The following CAPN5 variants were observed in gnomAD, a reference collection of about 807,000 sequenced individuals.
The protein encoded by CAPN5 is calpain-5.
In CAPN5, 54 loss-of-function variants were observed where a neutral mutation model predicts 73.0. That is an observed-to-expected ratio of 0.74 (90% CI 0.59 to 0.93). CAPN5 has a LOEUF of 0.93. Ranked by LOEUF, CAPN5 falls within the 40% of genes least tolerant of loss-of-function variation. The pLI is 0.00. For synonymous variants in CAPN5, 335 were observed against 356.9 expected, an observed-to-expected ratio of 0.94 and a Z score of 0.69; for missense variants, 785 against 882.9, an observed-to-expected ratio of 0.89 and a Z score of 1.41.
intron 1 of CAPN5, among the ~76,000 whole-genome samples, chr11:77,068,755 C>T (rs1436174360): frequency 6.6e-6 from 1 of 152,060 alleles, no homozygotes; most frequent in African/African-American, 2.4e-5. Flanking sequence ...GATAAAGTTT[C>T]CCAGAGCAGG....
intron 3 of CAPN5, among the ~76,000 whole-genome samples, chr11:77,096,482 GCCCAC>G (rs1565265939): frequency 6.6e-6 from 1 of 152,142 alleles, no homozygotes; most frequent in Non-Finnish European, 1.5e-5. Flanking sequence ...CTCTTAGATG[GCCCAC>G]CTGTTTCTCT....
intron 11 of CAPN5, 32 bp from the exon 12 acceptor site, chr11:77,122,544 C>A (rs1555043036): frequency 1.5e-6 from 2 of 1,313,048 alleles, no homozygotes; most frequent in South Asian, 1.2e-5. Flanking sequence ...CCCACCCCCA[C>A]CCTCACCCCA....
rs1347841841 is a variant in CAPN5 at position 77,121,976 on chromosome 11, C to G, written c.1530C>G (p.Ser510=). Residue 510 remains serine (S), a synonymous_variant, in exon 11 of 13, where the codon TCC becomes TCG. Coordinates refer to ENST00000648180, the MANE Select transcript of CAPN5 (RefSeq NM_004055.5). ...LDEPPHTCWS[S]LCGYPQLVTQ... is the part of the protein sequence containing the mutation. Reference sequence around the variant, plus strand: ...AGCCCCCACACACCTGCTGGAGCTCCCTCTGTGGCTACCCCCAGCTGGTGA... The same window carrying G: ...AGCCCCCACACACCTGCTGGAGCTCGCTCTGTGGCTACCCCCAGCTGGTGA... 3 of 1,561,980 alleles carry G rather than the reference C, an allele frequency of 1.9e-6. No homozygotes were observed. The African/African-American group carries it at 4.1e-5, about 21-fold the overall frequency.
chr11:77,084,952 C>G lies in CAPN5; in HGVS notation c.66C>G (p.Arg22=). ...CAGCCCTGAGGCGGGACTGCCGGCG[C>G]AGGAAGGTGCTCTTCGAGGACCCCC... is the stretch of plus-strand genomic sequence containing the variant. The part of the protein sequence containing the change: ...NYSALRRDCR[R]RKVLFEDPLF... The change falls in exon 2 of 13, where the codon CGC becomes CGG. Residue 22 remains arginine (R), a synonymous_variant. Transcript: ENST00000648180. The G allele has an allele frequency of 6.2e-7, 1 of 1,613,826 alleles. No individual in the cohort carries two copies. The highest frequency in any genetic ancestry group is 8.5e-7 in the Non-Finnish European group (1 of 1,180,022).
At chr11:77,098,896 G>A (rs1950249266) in intron 3 of CAPN5, among the ~76,000 whole-genome samples, 1 of 130,528 alleles carries the variant, frequency 7.7e-6, no homozygotes, top group Non-Finnish European at 1.6e-5. Flanking sequence ...TCCCAGATGG[G>A]GTGGCTGCCG....
chr11:77,102,891 G>T, intron 3 of CAPN5: 1 of 1,612,120 alleles, frequency 6.2e-7, no homozygotes, highest in South Asian at 1.1e-5. Flanking sequence ...GCTGGTCCTG[G>T]ACCAGGGCCT....
At chr11:77,083,339 C>T (rs546612042) in intron 1 of CAPN5, among the ~76,000 whole-genome samples, 13 of 152,238 alleles carry the variant, frequency 8.5e-5, no homozygotes, top group Middle Eastern at 3.4e-3. Context: ...TTTCCTGTCT[C>T]TCCCTTCCCT....
intron 1 of CAPN5, among the ~76,000 whole-genome samples, chr11:77,074,923 C>T (rs1949952513): frequency 1.3e-5 from 2 of 152,178 alleles, no homozygotes; most frequent in Non-Finnish European, 2.9e-5. Context: ...CCCACTCGGC[C>T]CTGGAACCCA....
chr11:77,123,063 G>A (rs1170177953), intron 12 of CAPN5, among the ~76,000 whole-genome samples: 1 of 152,232 alleles, frequency 6.6e-6, no homozygotes, highest in Non-Finnish European at 1.5e-5. Flanking sequence ...CCACTGTGTG[G>A]TGCGTGTGGC....
At position 77,120,847 on chromosome 11, in the gene CAPN5, C is replaced by A; in HGVS notation, c.1425C>A (p.Phe475Leu). ...GCTATGTCATCATCCCCACAACCTT[C>A]GAGCCAGGCCACACTGGCGAGTTCC... ...EGRYVIIPTT[F>L]EPGHTGEFLL... is the part of the protein sequence containing the mutation. Residue 475 changes from phenylalanine to leucine, a missense_variant, in exon 10 of 13, where the codon TTC (phenylalanine) becomes TTA (leucine). Physicochemically the swap from Phe to Leu is conservative, Grantham distance 22. Coordinates refer to ENST00000648180, the MANE Select transcript of CAPN5 (RefSeq NM_004055.5). 1 of 1,614,158 alleles carries A rather than the reference C, an allele frequency of 6.2e-7. No homozygotes were observed.
intron 2 of CAPN5, among the ~76,000 whole-genome samples, chr11:77,085,834 G>A (rs12363910): frequency 6.6e-6 from 1 of 152,162 alleles, no homozygotes; most frequent in African/African-American, 2.4e-5. Flanking sequence ...AGGGGAGGCT[G>A]CAGGAGGTTA....
intron 2 of CAPN5, among the ~76,000 whole-genome samples, chr11:77,088,247 G>A (rs138115360): frequency 8.6e-5 from 13 of 151,680 alleles, no homozygotes; most frequent in African/African-American, 2.9e-4. Context: ...GTGCAGTCTC[G>A]GGGGCCCCAG....
At chr11:77,113,856 A>T (rs1555041156) in intron 4 of CAPN5, among the ~76,000 whole-genome samples, 1 of 152,214 alleles carries the variant, frequency 6.6e-6, no homozygotes, top group African/African-American at 2.4e-5. Context: ...ATTCAGTGGC[A>T]TTCATTATGA....
At position 77,112,769 on chromosome 11, in the gene CAPN5, T is replaced by C. The variant is rs1242798296; in HGVS notation, c.478T>C (p.Cys160Arg). 2 of 1,614,124 alleles carry C rather than the reference T, an allele frequency of 1.2e-6. No homozygotes were observed. Among genetic ancestry groups the C allele is most frequent in the African/African-American group, 1.3e-5 (1 of 74,944 alleles). The change falls in exon 4 of 13, where the codon TGC (cysteine) becomes CGC (arginine). Residue 160 changes from cysteine (C) to arginine (R), a missense_variant. Cys to Arg is a radical substitution (Grantham distance 180). Coordinates refer to ENST00000648180, the MANE Select transcript of CAPN5 (RefSeq NM_004055.5). ...CTCCAACTCCCGCAATGAGTTTTGG[T>C]GCGCCCTAGTGGAGAAGGCCTATGC... is the stretch of plus-strand genomic sequence containing the variant. The part of the protein sequence containing the change: ...CHSNSRNEFW[C>R]ALVEKAYAKL...
intron 3 of CAPN5, among the ~76,000 whole-genome samples, chr11:77,109,029 C>G (rs1210794190): frequency 2.0e-5 from 3 of 152,046 alleles, no homozygotes; most frequent in South Asian, 2.1e-4. Flanking sequence ...GTTCTCTGTC[C>G]CCTGCGTTTC....
At chr11:77,096,246 G>A (rs1302596582) in intron 3 of CAPN5, among the ~76,000 whole-genome samples, 2 of 151,848 alleles carry the variant, frequency 1.3e-5, no homozygotes, top group African/African-American at 2.4e-5. Context: ...CGACACACAC[G>A]CCCCCAACAC....
In CAPN5 at chr11:77,087,937, T is replaced by G. The variant is rs563973295; in HGVS notation, c.165+2886T>G. 8 of 1,536,024 alleles carry G rather than the reference T, an allele frequency of 5.2e-6. No individual in the cohort carries two copies. The East Asian group carries it at 1.7e-4, about 33-fold the overall frequency. On this transcript the variant is annotated intron_variant, in intron 2 of 12. Transcript: ENST00000648180. ...ACAGGCTCGCTATGTTTTTGTTCTTTCCAGTACAGTGGCCATTCGCTGGCC... is the reference window on the plus strand; with the variant it reads ...ACAGGCTCGCTATGTTTTTGTTCTTGCCAGTACAGTGGCCATTCGCTGGCC...
At chr11:77,106,847 G>A (rs1260612017) in intron 3 of CAPN5, among the ~76,000 whole-genome samples, 1 of 152,266 alleles carries the variant, frequency 6.6e-6, no homozygotes, top group Non-Finnish European at 1.5e-5. Flanking sequence ...GCAGGGCGGA[G>A]GGGTGGGCAG....
intron 2 of CAPN5, among the ~76,000 whole-genome samples, chr11:77,092,878 A>G (rs2135434283): frequency 6.6e-6 from 1 of 152,294 alleles, no homozygotes; most frequent in Non-Finnish European, 1.5e-5. Context: ...GAGGCAGGAG[A>G]ATTGCTTGAA....
Sources: allele counts gnomAD v4.1 joint callset (sites outside exome capture counted in the v4.1 genomes callset), GRCh38; gene constraint gnomAD v4.1.1; transcripts MANE v1.5; gene names NCBI Gene and HGNC (gene_info 2026-07-23, HGNC 2026-07-21).